REEP1: variants seen among roughly 807,000 people sequenced by gnomAD.
The protein encoded by REEP1 is receptor expression-enhancing protein 1.
In REEP1, 22 loss-of-function variants were observed where a neutral mutation model predicts 40.3. The observed-to-expected ratio is 0.55, with a 90% CI of 0.39 to 0.78. REEP1 has a LOEUF of 0.78. REEP1 is among the 30% of genes least tolerant of loss of function. The pLI is 0.00. For synonymous variants in REEP1, 116 were observed against 139.2 expected (o/e 0.83, Z 1.17); for missense variants, 280 against 361.1 (o/e 0.78, Z 1.82).
chr2:86,250,814 T>G (rs1676232916), intron 5 of REEP1, among the ~76,000 whole-genome samples: 1 of 152,228 alleles, frequency 6.6e-6, no homozygotes, highest in Admixed American at 6.5e-5. Flanking sequence ...CCCAGTGTGC[T>G]GAGTCTCTTC....
At chr2:86,313,054 C>T (rs1679831482) in intron 1 of REEP1, among the ~76,000 whole-genome samples, 1 of 152,042 alleles carries the variant, frequency 6.6e-6, no homozygotes. Flanking sequence ...TTCTGGGACA[C>T]AGAGCAAGTT....
intron 7 of REEP1, among the ~76,000 whole-genome samples, chr2:86,225,260 C>A (rs1674620938): frequency 6.6e-6 from 1 of 152,198 alleles, no homozygotes; most frequent in Non-Finnish European, 1.5e-5. Context: ...GCCTTATGGC[C>A]TCCAGAATCC....
intron 2 of REEP1, among the ~76,000 whole-genome samples, chr2:86,269,391 C>A (rs970348204): frequency 1.3e-5 from 2 of 152,204 alleles, no homozygotes; most frequent in African/African-American, 4.8e-5. Flanking sequence ...GTTGCCATTT[C>A]ATCTGCAAAA....
At chr2:86,266,327 A>G (rs940488607) in intron 2 of REEP1, among the ~76,000 whole-genome samples, 5 of 152,260 alleles carry the variant, frequency 3.3e-5, no homozygotes, top group African/African-American at 1.2e-4. Context: ...TCTTAGATGT[A>G]CTACCAAAAG....
intron 2 of REEP1, among the ~76,000 whole-genome samples, chr2:86,277,227 G>T (rs1053906978): frequency 3.3e-5 from 5 of 152,086 alleles, no homozygotes; most frequent in African/African-American, 9.7e-5. Flanking sequence ...AACAGCCTTG[G>T]GGGGGCCTCC....
chr2:86,288,032 A>ATTTTTTTTTT (rs1558916457), intron 1 of REEP1, among the ~76,000 whole-genome samples: 1 of 149,754 alleles, frequency 6.7e-6, no homozygotes, highest in African/African-American at 2.5e-5. Context: ...TATTTTTATT[A>ATTTTTTTTTT]TTTTTTTGAG....
At chr2:86,313,295 CTTTTCTTTTT>C (rs929785218) in intron 1 of REEP1, among the ~76,000 whole-genome samples, 2 of 135,122 alleles carry the variant, frequency 1.5e-5, no homozygotes, top group Admixed American at 1.4e-4. Flanking sequence ...TTTTTCTTTT[CTTTTCTTTTT>C]TTTTTTTTTG....
At chr2:86,303,234 T>C (rs1573015330) in intron 1 of REEP1, among the ~76,000 whole-genome samples, 1 of 100,494 alleles carries the variant, frequency 1.0e-5, no homozygotes. Flanking sequence ...TTTTTTTTTT[T>C]TGGACAGAGT....
intron 1 of REEP1, among the ~76,000 whole-genome samples, chr2:86,323,084 G>T (rs1219866029): frequency 2.6e-5 from 4 of 152,126 alleles, no homozygotes; most frequent in African/African-American, 7.2e-5. Flanking sequence ...TGTGGTCCCA[G>T]CTACTTGGGA....
chr2:86,333,587 A>G (rs1445472975), intron 1 of REEP1, among the ~76,000 whole-genome samples: 1 of 152,224 alleles, frequency 6.6e-6, no homozygotes, highest in Non-Finnish European at 1.5e-5. Context: ...CGTTCAGCCA[A>G]CATTCTGGGC....
intron 7 of REEP1, among the ~76,000 whole-genome samples, chr2:86,221,163 T>C (rs909770440): frequency 6.6e-6 from 1 of 152,080 alleles, no homozygotes; most frequent in Non-Finnish European, 1.5e-5. Context: ...TCTCTCTCCA[T>C]CAACAGTGGA....
chr2:86,298,462 A>T (rs897945617), intron 1 of REEP1, among the ~76,000 whole-genome samples: 1 of 152,208 alleles, frequency 6.6e-6, no homozygotes, highest in Non-Finnish European at 1.5e-5. Flanking sequence ...GGTGTGTAAC[A>T]CTGTTCTATT....
chr2:86,323,747 G>A (rs1358127538), intron 1 of REEP1, among the ~76,000 whole-genome samples: 6 of 152,138 alleles, frequency 3.9e-5, no homozygotes, highest in East Asian at 3.9e-4. Context: ...AACTTGCCAC[G>A]CCAGACATCA....
chr2:86,290,782 GA>G (rs1678653419), intron 1 of REEP1, among the ~76,000 whole-genome samples: 1 of 152,158 alleles, frequency 6.6e-6, no homozygotes, highest in Admixed American at 6.5e-5. Flanking sequence ...CTTAATCTGG[GA>G]AAAGAGATCC....
chr2:86,323,221 A>G (rs1315336948), intron 1 of REEP1, among the ~76,000 whole-genome samples: 1 of 152,230 alleles, frequency 6.6e-6, no homozygotes, highest in Non-Finnish European at 1.5e-5. Context: ...AAAAATAAAT[A>G]AAGAACATCA....
At chr2:86,263,305 C>T (rs1403760604) in intron 3 of REEP1, among the ~76,000 whole-genome samples, 1 of 152,216 alleles carries the variant, frequency 6.6e-6, no homozygotes, top group Admixed American at 6.5e-5. Context: ...TCTTGGCTTA[C>T]TGCAACCTCC....
intron 3 of REEP1, among the ~76,000 whole-genome samples, chr2:86,258,184 G>A (rs983316887): frequency 6.6e-6 from 1 of 152,160 alleles, no homozygotes. Context: ...CCAACAGAGC[G>A]TCATTGTTTT....
intron 1 of REEP1, among the ~76,000 whole-genome samples, chr2:86,301,701 C>T (rs1335351591): frequency 6.6e-6 from 1 of 152,204 alleles, no homozygotes; most frequent in Non-Finnish European, 1.5e-5. Flanking sequence ...TGGAAAATAA[C>T]AACTTGATTA....
intron 1 of REEP1, among the ~76,000 whole-genome samples, chr2:86,314,482 G>A (rs566367376): frequency 6.6e-6 from 1 of 152,020 alleles, no homozygotes; most frequent in African/African-American, 2.4e-5. Context: ...GGCTGGCTGG[G>A]GTGAGCCAGC....
Sources: gnomAD v4.1 joint callset for allele counts (sites outside exome capture counted in the v4.1 genomes callset) on GRCh38, gnomAD v4.1.1 for gene constraint, MANE v1.5 for transcripts, NCBI Gene and HGNC (gene_info 2026-07-23, HGNC 2026-07-21) for gene names.